The following RPS20 variants were observed in gnomAD, a reference collection of about 807,000 sequenced individuals.
RPS20 encodes the protein small ribosomal subunit protein uS10.
A neutral mutation model predicts 15.3 loss-of-function variants in RPS20; 3 were observed. That is an observed-to-expected ratio of 0.20 (90% CI 0.09 to 0.51). RPS20 has a LOEUF of 0.51. Ranked by LOEUF, RPS20 falls within the 20% of genes least tolerant of loss-of-function variation. RPS20 has a pLI of 0.96. For synonymous variants in RPS20, 62 were observed against 47.8 expected (o/e 1.30, Z -1.23); for missense variants, 67 against 145.9 (o/e 0.46, Z 2.79).
At chr8:56,070,405 A>G (rs997580469), downstream of RPS20, among the ~76,000 whole-genome samples, 4 of 152,150 alleles carry the variant, frequency 2.6e-5, no homozygotes, top group Non-Finnish European at 5.9e-5. Flanking sequence ...ACATCCACAG[A>G]GCATACACAC....
At position 56,073,267 on chromosome 8, in the gene RPS20, C is replaced by T. The variant is rs568734901; in HGVS notation, c.183G>A (p.Leu61=). ...KGPVRMPTKT[L]RITTRKTPCG... is the part of the protein sequence containing the mutation. ...AAGGAGTTTTTCTTGTAGTGATTCT[C>T]AAAGTCTGTAACAAAAGACAAAGGA... Residue 61 remains leucine (L), a synonymous_variant, in exon 4 of 4, where the codon TTG becomes TTA. Transcript: ENST00000009589. 1.1e-5 allele frequency: 17 copies of T among 1,600,934 alleles called. 1 individual carries two copies. The South Asian group carries it at 1.7e-4, about 16-fold the overall frequency.
chr8:56,072,971 A>T, downstream of RPS20: 1 of 1,454,802 alleles, frequency 6.9e-7, no homozygotes, highest in East Asian at 2.4e-5. Context: ...ATACCCATAT[A>T]TTCCACCTGA....
chr8:56,074,226 C>T (rs1809866105), intron 1 of RPS20, 67 bp from the exon 2 acceptor site: 2 of 1,528,832 alleles, frequency 1.3e-6, no homozygotes, highest in East Asian at 2.2e-5. Context: ...AGAAAGGCAG[C>T]TTCCGGAAGC....
At chr8:56,073,340 T>A in intron 3 of RPS20, 68 bp from the exon 4 acceptor site, 1 of 980,234 alleles carries the variant, frequency 1.0e-6, no homozygotes, top group Non-Finnish European at 1.6e-6. Context: ...ATCTGGAAAA[T>A]CATTACTTCT....
rs879777423 is a variant in RPS20, at chr8:56,073,397, T to C, written c.178-125A>G. Reference sequence around the variant, plus strand: ...TTGGTATGATTCCAATTTACACTAATAGATTTTCAGGTACCATGGGTTGAA... The same window carrying C: ...TTGGTATGATTCCAATTTACACTAACAGATTTTCAGGTACCATGGGTTGAA... On this transcript the variant is annotated intron_variant, in intron 3 of 3. Transcript: ENST00000009589. 10 of 725,070 alleles carry C rather than the reference T, an allele frequency of 1.4e-5. No homozygotes were observed. In the Admixed American group the frequency reaches 2.1e-4, roughly 15 times the overall value. 44.9% of individuals were successfully genotyped at this position (725,070 alleles called of 1,614,324 possible). A position where few individuals can be genotyped will look rare whatever the true frequency, so the allele number is the denominator to read the frequency against.
chr8:56,069,603 T>C (rs187167189), downstream of RPS20: 395 of 864,512 alleles, frequency 4.6e-4, no homozygotes, highest in Middle Eastern at 2.5e-3. Flanking sequence ...CCAGCCATAG[T>C]TCCTCTTACT....
chr8:56,072,927 A>T (rs554460298), downstream of RPS20: 17 of 1,376,648 alleles, frequency 1.2e-5, no homozygotes, highest in Admixed American at 1.5e-4. Flanking sequence ...CAAATGACTC[A>T]AACGACAACG....
chr8:56,073,310 T>G, intron 3 of RPS20, 38 bp from the exon 4 acceptor site: 2 of 1,285,150 alleles, frequency 1.6e-6, no homozygotes, highest in Non-Finnish European at 2.3e-6. Context: ...TGTTTATCGT[T>G]TTATACTTAT....
At position 56,073,069 on chromosome 8, in the gene RPS20, C is replaced by A; in HGVS notation, c.*21G>T. 1.3e-6 allele frequency: 2 copies of A among 1,548,272 alleles called. No homozygotes were observed. The highest frequency in any genetic ancestry group is 1.8e-6 in the Non-Finnish European group (2 of 1,140,726). On this transcript the variant is annotated 3_prime_UTR_variant, in exon 4 of 4. Coordinates refer to ENST00000009589, the MANE Select transcript of RPS20 (RefSeq NM_001023.4). ...CCAACAGAAGTTAACAACTGGTCAT[C>A]AATTTATTAAAATAGTTGACTTAAG... is the stretch of plus-strand genomic sequence containing the variant.
chr8:56,068,807 C>CTTTTTTTTTTTT (rs61576194), downstream of RPS20, among the ~76,000 whole-genome samples: 30 of 27,690 alleles, frequency 1.1e-3, 10 homozygotes, highest in East Asian at 1.6e-3. Context: ...GTGAAAATAT[C>CTTTTTTTTTTTT]TTTTTTTTTT....
chr8:56,073,175 T>C lies in RPS20; in HGVS notation c.275A>G (p.His92Arg), dbSNP rs2129213099. 1.2e-6 allele frequency: 2 copies of C among 1,600,030 alleles called. No homozygotes were observed. The highest frequency in any genetic ancestry group is 1.7e-6 in the Non-Finnish European group (2 of 1,179,700). ...MRIHKRLIDL[H>R]SPSEIVKQIT... ...CTGCTTAACAATCTCAGAAGGACTG[T>C]GCAAGTCAATGAGTCGCTTGTGAAT... Residue 92 changes from histidine to arginine, a missense_variant, in exon 4 of 4, where the codon CAC becomes CGC. Coordinates refer to ENST00000009589, the MANE Select transcript of RPS20 (RefSeq NM_001023.4).
downstream of RPS20, chr8:56,068,087 G>C (rs1199720654): frequency 6.6e-6 from 1 of 152,146 alleles, no homozygotes; most frequent in Non-Finnish European, 1.5e-5. Flanking sequence ...GAAGTTGTTG[G>C]AGTCATACAT....
At chr8:56,072,135 G>T (rs1197207884), downstream of RPS20, among the ~76,000 whole-genome samples, 2 of 152,134 alleles carry the variant, frequency 1.3e-5, no homozygotes, top group Non-Finnish European at 1.5e-5. Context: ...CAGCTACTAG[G>T]CAGTTTGAGG....
downstream of RPS20, chr8:56,068,555 TAA>T (rs1197093111): frequency 7.4e-6 from 1 of 134,728 alleles, no homozygotes; most frequent in Non-Finnish European, 1.7e-5. Flanking sequence ...AAAAAAAAAT[TAA>T]GAGAAGTTAT....
downstream of RPS20, among the ~76,000 whole-genome samples, chr8:56,070,689 A>C (rs1809727799): frequency 6.6e-6 from 1 of 151,220 alleles, no homozygotes. Flanking sequence ...TGTTCGCACG[A>C]CTGCACTCCA....
chr8:56,073,977 C>T, intron 2 of RPS20, 83 bp downstream of exon 2: 1 of 1,221,752 alleles, frequency 8.2e-7, no homozygotes, highest in East Asian at 2.3e-5. Flanking sequence ...TCTTGCAGTC[C>T]ACCTTCTACA....
chr8:56,069,077 A>G (rs1809684520), downstream of RPS20, among the ~76,000 whole-genome samples: 1 of 151,712 alleles, frequency 6.6e-6, no homozygotes, highest in Admixed American at 6.6e-5. Context: ...GAAGAAGGAT[A>G]TGCACAATAT....
At chr8:56,072,960 G>C (rs1003810451), downstream of RPS20, 2 of 1,436,164 alleles carry the variant, frequency 1.4e-6, no homozygotes, top group East Asian at 4.9e-5. Flanking sequence ...ACCACTCTAA[G>C]ATACCCATAT....
At chr8:56,071,618 T>C (rs1307226635), downstream of RPS20, among the ~76,000 whole-genome samples, 1 of 152,172 alleles carries the variant, frequency 6.6e-6, no homozygotes, top group Non-Finnish European at 1.5e-5. Flanking sequence ...GGATTCAGAC[T>C]AGGAACACAG....
Sources: gnomAD v4.1 joint callset for allele counts (sites outside exome capture counted in the v4.1 genomes callset) on GRCh38, gnomAD v4.1.1 for gene constraint, MANE v1.5 for transcripts, NCBI Gene and HGNC (gene_info 2026-07-23, HGNC 2026-07-21) for gene names.